The following GCSH variants were observed in gnomAD, a reference collection of about 807,000 sequenced individuals.
GCSH encodes the protein glycine cleavage system protein H.
A neutral mutation model predicts 21.3 loss-of-function variants in GCSH; 15 were observed. The observed-to-expected ratio is 0.70, with a 90% CI of 0.47 to 1.08. The LOEUF is 1.08. GCSH is among the 50% of genes least tolerant of loss of function. The pLI is 0.00. For synonymous variants in GCSH, 59 were observed against 84.5 expected (o/e 0.70, Z 1.66); for missense variants, 179 against 217.5 (o/e 0.82, Z 1.11).
At chr16:81,085,280 T>C (rs112895708) in intron 3 of GCSH, among the ~76,000 whole-genome samples, 16,893 of 152,182 alleles carry the variant, frequency 0.11, 987 homozygotes, top group East Asian at 0.21. Flanking sequence ...CCCAAAGTGC[T>C]GGGATTATAA....
Position 81,088,655 on chromosome 16 carries a change from C to T in GCSH, c.229-991G>A, listed in dbSNP as rs137885888. 1.1e-4 allele frequency among the ~76,000 whole-genome samples: 17 copies of T among 152,298 alleles called. No homozygotes were observed. The East Asian group carries it at 2.9e-3, about 26-fold the overall frequency. ...ACCTCAGATAATCAACTTGCCTCGG[C>T]CTTCCAAAGTGCTAGGATTACAGGT... On this transcript the variant is annotated intron_variant, in intron 2 of 4. Transcript: ENST00000315467.
At chr16:81,086,226 ACAC>A (rs1972274030) in intron 3 of GCSH, among the ~76,000 whole-genome samples, 1 of 110,876 alleles carries the variant, frequency 9.0e-6, no homozygotes, top group African/African-American at 3.2e-5. Flanking sequence ...AACAAAAAAA[ACAC>A]AATTATGAAC....
At chr16:81,094,466 C>T (rs993704290) in intron 1 of GCSH, among the ~76,000 whole-genome samples, 1 of 150,766 alleles carries the variant, frequency 6.6e-6, no homozygotes, top group Admixed American at 6.6e-5. Context: ...GATCCTGCCA[C>T]TGGATGCCAG....
intron 3 of GCSH, among the ~76,000 whole-genome samples, chr16:81,087,237 T>C (rs1035181534): frequency 6.6e-6 from 1 of 152,004 alleles, no homozygotes; most frequent in African/African-American, 2.4e-5. Context: ...TCAAAAGCAC[T>C]CTAATTGGCT....
At chr16:81,085,164 A>G (rs112011115) in intron 3 of GCSH, among the ~76,000 whole-genome samples, 16,806 of 150,832 alleles carry the variant, frequency 0.11, 985 homozygotes, top group East Asian at 0.21. Flanking sequence ...ACAGGCGCGC[A>G]CCACCACGCC....
chr16:81,083,448 G>A, intron 4 of GCSH: 2 of 176,328 alleles, frequency 1.1e-5, no homozygotes, highest in Non-Finnish European at 1.2e-5. Flanking sequence ...ACCCGAGAAG[G>A]GGAGGTTGCA....
chr16:81,088,325 C>T (rs1039310694), intron 2 of GCSH, among the ~76,000 whole-genome samples: 11 of 152,148 alleles, frequency 7.2e-5, no homozygotes, highest in Admixed American at 4.6e-4. Context: ...AGAGACCAGC[C>T]GCCAGCCAGA....
chr16:81,085,703 C>CA (rs1270184307), intron 3 of GCSH, among the ~76,000 whole-genome samples: 1 of 151,586 alleles, frequency 6.6e-6, no homozygotes. Flanking sequence ...TACTAAAATA[C>CA]AAAAAAATTA....
In GCSH at chr16:81,096,135, G is replaced by C. The variant is rs878873164; in HGVS notation, c.144C>G (p.Leu48=). The C allele has an allele frequency of 7.9e-7, 1 of 1,266,662 alleles. No individual in the cohort carries two copies. Among genetic ancestry groups the C allele is most frequent in the African/African-American group, 1.5e-5 (1 of 64,526 alleles). 78.5% of individuals were successfully genotyped at this position (1,266,662 alleles called of 1,614,324 possible). A position where few individuals can be genotyped will look rare whatever the true frequency, so the allele number is the denominator to read the frequency against. ...VRTLRTGPAL[L]SVRKFTEKHE... Reference sequence around the variant, plus strand: ...CCACGTGCCCGCCGCGCTTACCCGAGAGCAGAGCGGGTCCAGTGCGCAGCG... The same window carrying C: ...CCACGTGCCCGCCGCGCTTACCCGACAGCAGAGCGGGTCCAGTGCGCAGCG... Residue 48 remains leucine, a synonymous_variant, in exon 1 of 5, where the codon CTC becomes CTG. Coordinates refer to ENST00000315467, the MANE Select transcript of GCSH (RefSeq NM_004483.5).
intron 1 of GCSH, among the ~76,000 whole-genome samples, chr16:81,091,725 C>T (rs8177863): frequency 0.028 from 4,311 of 152,174 alleles, 126 homozygotes; most frequent in African/African-American, 0.069. Flanking sequence ...AAACAGCATT[C>T]AATTGCTTTG....
chr16:81,090,521 C>T (rs1012749112), intron 2 of GCSH, 80 bp downstream of exon 2: 3 of 997,440 alleles, frequency 3.0e-6, no homozygotes, highest in Non-Finnish European at 4.8e-6. Flanking sequence ...CTCACGCAGC[C>T]TAAACACTTT....
chr16:81,085,046 C>T (rs1972245631), intron 3 of GCSH, among the ~76,000 whole-genome samples: 1 of 117,544 alleles, frequency 8.5e-6, no homozygotes, highest in Non-Finnish European at 1.6e-5. Context: ...GACGGAGTCT[C>T]GCTCTGTCAC....
At chr16:81,095,527 C>A (rs1972487278) in intron 1 of GCSH, among the ~76,000 whole-genome samples, 1 of 152,026 alleles carries the variant, frequency 6.6e-6, no homozygotes, top group Admixed American at 6.6e-5. Flanking sequence ...GGATTACATG[C>A]GCATGCCGCC....
intron 1 of GCSH, among the ~76,000 whole-genome samples, chr16:81,093,163 T>A (rs1486195865): frequency 6.6e-6 from 1 of 152,098 alleles, no homozygotes; most frequent in Non-Finnish European, 1.5e-5. Flanking sequence ...CGTGATTTTT[T>A]AAAGTTTATT....
chr16:81,083,442 G>T, intron 4 of GCSH: 1 of 185,852 alleles, frequency 5.4e-6, no homozygotes, highest in South Asian at 1.0e-4. Flanking sequence ...GCTTGAACCC[G>T]AGAAGGGGAG....
chr16:81,090,093 T>C (rs1972367246), intron 2 of GCSH, among the ~76,000 whole-genome samples: 1 of 150,510 alleles, frequency 6.6e-6, no homozygotes, highest in Non-Finnish European at 1.5e-5. Flanking sequence ...ACTTTCTTTC[T>C]TTCTTTTTTT....
intron 3 of GCSH, among the ~76,000 whole-genome samples, chr16:81,087,147 C>G (rs1229374631): frequency 6.6e-6 from 1 of 152,016 alleles, no homozygotes; most frequent in Non-Finnish European, 1.5e-5. Context: ...CTCACTGCAA[C>G]CTCCGCCTCC....
intron 2 of GCSH, 113 bp downstream of exon 2, chr16:81,090,488 T>C: frequency 1.3e-6 from 1 of 766,212 alleles, no homozygotes; most frequent in Non-Finnish European, 2.3e-6. Flanking sequence ...TCCCAAAGTG[T>C]TGGGATTACA....
chr16:81,087,471 C>A, intron 3 of GCSH, 130 bp downstream of exon 3: 1 of 727,484 alleles, frequency 1.4e-6, no homozygotes, highest in South Asian at 1.5e-5. Flanking sequence ...GCACTCCAGC[C>A]TGGGTGACAA....
Sources: allele counts gnomAD v4.1 joint callset (sites outside exome capture counted in the v4.1 genomes callset), GRCh38; gene constraint gnomAD v4.1.1; transcripts MANE v1.5; gene names NCBI Gene and HGNC (gene_info 2026-07-23, HGNC 2026-07-21).